The following AGL variants were observed in gnomAD, a reference collection of about 807,000 sequenced individuals.
The protein encoded by AGL is glycogen debranching enzyme.
Under a neutral mutation model 199.3 loss-of-function variants are expected in AGL, and 128 were observed. The observed-to-expected ratio is 0.64, with a 90% CI of 0.56 to 0.74. The LOEUF (loss-of-function observed/expected upper bound fraction) is 0.74. AGL is among the 30% of genes least tolerant of loss of function. The pLI is 0.00. For synonymous variants in AGL, 584 were observed against 594.7 expected (o/e 0.98, Z 0.26); for missense variants, 1,809 against 1,820.8 (o/e 0.99, Z 0.12).
rs569411764 is a variant in AGL at position 99,882,003 on chromosome 1, G to T, written c.2308+312G>T. ...AAGTACAAAAAATTAGATGGGCATG[G>T]TGGCACATGCCTGTAGTCTTGGCTA... On this transcript the variant is annotated intron_variant, in intron 17 of 33. Transcript: ENST00000361915. Among the ~76,000 whole-genome samples, 64 of 151,960 alleles carry T rather than the reference G, an allele frequency of 4.2e-4. 4 individuals are homozygous for T. The South Asian group carries it at 0.013, about 32-fold the overall frequency.
intron 2 of AGL, among the ~76,000 whole-genome samples, chr1:99,853,574 T>C (rs1035957943): frequency 2.0e-5 from 3 of 152,214 alleles, no homozygotes; most frequent in Non-Finnish European, 4.4e-5. Context: ...AGTCTTACAG[T>C]GTCAGACTAG....
chr1:99,857,090 C>A (rs1311808673), intron 2 of AGL, among the ~76,000 whole-genome samples: 1 of 151,466 alleles, frequency 6.6e-6, no homozygotes, highest in African/African-American at 2.4e-5. Context: ...ACCTCCCTCC[C>A]GGACGGGGCG....
rs1393453150 is a variant in AGL at position 99,880,001 on chromosome 1, G to A, written c.1690G>A (p.Asp564Asn). 6 of 1,613,714 alleles carry A rather than the reference G, an allele frequency of 3.7e-6. No individual in the cohort carries two copies. The highest frequency in any genetic ancestry group is 5.1e-6 in the Non-Finnish European group (6 of 1,179,784). Residue 564 changes from aspartate to asparagine, a missense_variant, in exon 13 of 34, where the codon GAC becomes AAC. By Grantham distance (23) the Asp-to-Asn change is conservative. Transcript: ENST00000361915. ...ACTGTTCACAGGAAGTGAAGATCTG[G>A]ACAATGTCTTTGTTACTAGACTGGG... ...AELFTGSEDL[D>N]NVFVTRLGIS...
In AGL at chr1:99,864,461, T is replaced by C. The variant is rs778728216; in HGVS notation, c.536T>C (p.Leu179Ser). 3 of 1,613,782 alleles carry C rather than the reference T, an allele frequency of 1.9e-6. No individual in the cohort carries two copies. Among genetic ancestry groups the C allele is most frequent in the Non-Finnish European group, 2.5e-6 (3 of 1,179,742 alleles). The stretch of plus-strand genomic sequence containing the variant: ...TCATGCTACTCCCTTGCCAATCAGT[T>C]AGAATTAAATCCTGACTTTTCAAGA... ...SRSCYSLANQ[L>S]ELNPDFSRPN... The change falls in exon 5 of 34, where the codon TTA (leucine) becomes TCA (serine). Residue 179 changes from leucine to serine, a missense_variant. Coordinates refer to ENST00000361915, the MANE Select transcript of AGL (RefSeq NM_000642.3).
chr1:99,896,630 G>A (rs894589368), intron 25 of AGL, among the ~76,000 whole-genome samples: 1 of 152,094 alleles, frequency 6.6e-6, no homozygotes, highest in African/African-American at 2.4e-5. Context: ...TTTAGCATTA[G>A]CTAATTTATT....
chr1:99,861,907 A>G (rs551525141), intron 3 of AGL, among the ~76,000 whole-genome samples, 194 bp downstream of exon 3: 2 of 152,304 alleles, frequency 1.3e-5, no homozygotes, highest in African/African-American at 4.8e-5. Flanking sequence ...TATCAAGTAA[A>G]TGTATTTTAA....
chr1:99,877,826 G>A lies in AGL; in HGVS notation c.1609G>A (p.Glu537Lys). The A allele has an allele frequency of 6.2e-7, 1 of 1,613,954 alleles. No homozygotes were observed. The highest frequency in any genetic ancestry group is 8.5e-7 in the Non-Finnish European group (1 of 1,179,936). Reference sequence around the variant, plus strand: ...CCACTCAACACCTCTTCACGTAGCTGAGGTACAGAAAAACAATTTATCTAC... The same window carrying A: ...CCACTCAACACCTCTTCACGTAGCTAAGGTACAGAAAAACAATTTATCTAC... ...NCHSTPLHVAEYMLDAARNLQ... is the reference protein window; with the variant it reads ...NCHSTPLHVAKYMLDAARNLQ... The change falls in exon 12 of 34, where the codon GAG (glutamate) becomes AAG (lysine). Residue 537 changes from glutamate to lysine, a missense_variant and splice_region_variant. Physicochemically the swap from Glu to Lys is moderately conservative, Grantham distance 56. Coordinates refer to ENST00000361915, the MANE Select transcript of AGL (RefSeq NM_000642.3).
At chr1:99,901,750 T>C (rs1341341191) in intron 26 of AGL, among the ~76,000 whole-genome samples, 1 of 151,806 alleles carries the variant, frequency 6.6e-6, no homozygotes, top group Non-Finnish European at 1.5e-5. Context: ...TAATAGTTTG[T>C]TATATATGAT....
rs762988561 is a variant in AGL, at chr1:99,870,498, T to C, written c.763T>C (p.Trp255Arg). Residue 255 changes from tryptophan to arginine, a missense_variant, in exon 6 of 34, where the codon TGG (tryptophan) becomes CGG (arginine). Trp to Arg is a moderately radical substitution (Grantham distance 101). Transcript: ENST00000361915. ...TGCCTGGGTCTTAGACAGAGCACTTTGGCGTTTCTCCTGTGATGTTGCAGA... is the reference window on the plus strand; with the variant it reads ...TGCCTGGGTCTTAGACAGAGCACTTCGGCGTTTCTCCTGTGATGTTGCAGA... ...KPAWVLDRAL[W>R]RFSCDVAEGK... is the part of the protein sequence containing the mutation. 1.3e-5 allele frequency: 21 copies of C among 1,613,964 alleles called. No individual in the cohort carries two copies. Among genetic ancestry groups the C allele is most frequent in the Non-Finnish European group, 1.6e-5 (19 of 1,179,980 alleles).
At chr1:99,884,074 A>T in intron 17 of AGL, 46 bp from the exon 18 acceptor site, 1 of 1,530,142 alleles carries the variant, frequency 6.5e-7, no homozygotes, top group Non-Finnish European at 9.0e-7. Context: ...CTAATTTTGG[A>T]TGATTCCATA....
intron 5 of AGL, among the ~76,000 whole-genome samples, chr1:99,869,306 G>A (rs1006133042): frequency 6.6e-6 from 1 of 151,946 alleles, no homozygotes; most frequent in Non-Finnish European, 1.5e-5. Context: ...TCCTTACATA[G>A]CCTTTCTTCA....
At chr1:99,854,063 G>T (rs1455691655) in intron 2 of AGL, among the ~76,000 whole-genome samples, 1 of 151,790 alleles carries the variant, frequency 6.6e-6, no homozygotes. Context: ...GCGTGGTGGC[G>T]CATGCCTATA....
chr1:99,880,040 A>T lies in AGL; in HGVS notation c.1729A>T (p.Ile577Leu), dbSNP rs762529905. 3 of 1,613,456 alleles carry T rather than the reference A, an allele frequency of 1.9e-6. No homozygotes were observed. The highest frequency in any genetic ancestry group is 2.2e-5 in the South Asian group (2 of 91,076). ...FVTRLGISSL[I>L]REAMSAYNSH... ...TACTAGACTGGGCATTAGTTCCTTA[A>T]TAAGAGGTAGGCTTGTTGGAGTGTA... The change falls in exon 13 of 34, where the codon ATA becomes TTA. Residue 577 changes from isoleucine to leucine, a missense_variant. Coordinates refer to ENST00000361915, the MANE Select transcript of AGL (RefSeq NM_000642.3).
rs17121466 is a variant in AGL, at chr1:99,875,271, T to C, written c.1185+15T>C. On this transcript the variant is annotated intron_variant, in intron 9 of 33. Coordinates refer to ENST00000361915, the MANE Select transcript of AGL (RefSeq NM_000642.3). ...ATCAGGAACAGGTTTTACTTATTTTTGAACTGCTGCTTTTCCTTGCATCTT... is the reference window on the plus strand; with the variant it reads ...ATCAGGAACAGGTTTTACTTATTTTCGAACTGCTGCTTTTCCTTGCATCTT... 41,193 of 1,612,916 alleles carry C rather than the reference T, an allele frequency of 0.026. 700 individuals are homozygous for C. Among genetic ancestry groups the C allele is most frequent in the South Asian group, 0.072 (6,532 of 91,060 alleles).
chr1:99,889,130 G>T (rs374909923), intron 21 of AGL, among the ~76,000 whole-genome samples: 50 of 152,234 alleles, frequency 3.3e-4, no homozygotes, highest in African/African-American at 1.1e-3. Flanking sequence ...TTATGGTTAG[G>T]ATTAATGAAT....
chr1:99,881,970 C>CA lies in AGL; in HGVS notation c.2308+288dup, dbSNP rs905038183. Reference sequence around the variant, plus strand: ...CATTATGGTAACACCCTGTCTCTATCAAAAAAAAAGTACAAAAAATTAGAT... The same window carrying CA: ...CATTATGGTAACACCCTGTCTCTATCAAAAAAAAAAGTACAAAAAATTAGAT... On this transcript the variant is annotated intron_variant, in intron 17 of 33. Coordinates refer to ENST00000361915, the MANE Select transcript of AGL (RefSeq NM_000642.3). Among the ~76,000 whole-genome samples the CA allele has an allele frequency of 5.4e-5, 8 of 149,514 alleles. No homozygotes were observed. The East Asian group carries it at 5.9e-4, about 11-fold the overall frequency.
intron 25 of AGL, among the ~76,000 whole-genome samples, chr1:99,900,194 T>G (rs1350332100): frequency 4.6e-5 from 7 of 152,204 alleles, no homozygotes; most frequent in African/African-American, 1.7e-4. Flanking sequence ...CCTCCCAAAA[T>G]GCTGAGATTA....
intron 4 of AGL, 49 bp from the exon 5 acceptor site, chr1:99,864,337 G>T: frequency 1.3e-6 from 2 of 1,484,306 alleles, no homozygotes; most frequent in Non-Finnish European, 1.9e-6. Flanking sequence ...TTTTAGGCTG[G>T]TTTTGTTTGT....
rs116911909 is a variant in AGL at position 99,865,637 on chromosome 1, A to G, written c.664+1048A>G. 8.9e-4 allele frequency among the ~76,000 whole-genome samples: 136 copies of G among 152,322 alleles called. No homozygotes were observed. The East Asian group carries it at 0.025, about 28-fold the overall frequency. ...TAACCCAGTTTACCTTACAAATGTTATCTTGTGTGTATGCTACAATGTAGA... is the reference window on the plus strand; with the variant it reads ...TAACCCAGTTTACCTTACAAATGTTGTCTTGTGTGTATGCTACAATGTAGA... On this transcript the variant is annotated intron_variant, in intron 5 of 33. Coordinates refer to ENST00000361915, the MANE Select transcript of AGL (RefSeq NM_000642.3).
Sources: gnomAD v4.1 joint callset for allele counts (sites outside exome capture counted in the v4.1 genomes callset) on GRCh38, gnomAD v4.1.1 for gene constraint, MANE v1.5 for transcripts, NCBI Gene and HGNC (gene_info 2026-07-23, HGNC 2026-07-21) for gene names.